The following EYA1 variants were observed in gnomAD, a reference collection of about 807,000 sequenced individuals.
EYA1 encodes the protein protein phosphatase EYA1.
In EYA1, 16 loss-of-function variants were observed where a neutral mutation model predicts 82.0. The ratio of observed to expected loss-of-function variants is 0.20; its 90% CI spans 0.13 to 0.30. The LOEUF is 0.30. Among genes scored for constraint, EYA1 ranks in the 10% least tolerant of loss-of-function variants. The probability of loss-of-function intolerance (pLI) is 1.00; values close to 1 mark genes in which losing one functional copy is unlikely to be tolerated. For synonymous variants in EYA1, 261 were observed against 264.4 expected, an observed-to-expected ratio of 0.99 and a Z score of 0.12; for missense variants, 633 against 730.7, an observed-to-expected ratio of 0.87 and a Z score of 1.54.
chr8:71,530,668 T>C (rs1457426455), intron 2 of EYA1, among the ~76,000 whole-genome samples: 1 of 152,174 alleles, frequency 6.6e-6, no homozygotes, highest in Non-Finnish European at 1.5e-5. Flanking sequence ...TGCTAAAGAG[T>C]GGGTTTCTTT....
intron 2 of EYA1, among the ~76,000 whole-genome samples, chr8:71,431,881 T>C (rs1805644649): frequency 2.0e-5 from 3 of 152,212 alleles, no homozygotes. Flanking sequence ...GATTACTTTA[T>C]GAAGCCTAAA....
chr8:71,365,428 A>G (rs1446357139), upstream of EYA1, among the ~76,000 whole-genome samples: 1 of 152,188 alleles, frequency 6.6e-6, no homozygotes, highest in Non-Finnish European at 1.5e-5. Context: ...AAATAACAGT[A>G]TAGTAAGTTG....
At chr8:71,237,285 C>T (rs756096796) in intron 12 of EYA1, among the ~76,000 whole-genome samples, 16 of 152,070 alleles carry the variant, frequency 1.1e-4, no homozygotes, top group African/African-American at 3.6e-4. Flanking sequence ...CTCCTGACCT[C>T]GTGATCCGCC....
intron 12 of EYA1, among the ~76,000 whole-genome samples, chr8:71,221,411 C>T (rs918937338): frequency 2.6e-5 from 4 of 152,062 alleles, no homozygotes; most frequent in Admixed American, 2.6e-4. Flanking sequence ...GTTTCTTTCA[C>T]CCCCAAGTCA....
chr8:71,422,875 A>C (rs1328727545), intron 2 of EYA1, among the ~76,000 whole-genome samples: 5 of 152,178 alleles, frequency 3.3e-5, no homozygotes, highest in Non-Finnish European at 7.3e-5. Flanking sequence ...TTATGGGATC[A>C]ACAATTCATG....
intron 9 of EYA1, among the ~76,000 whole-genome samples, chr8:71,298,163 A>G (rs1819790646): frequency 6.6e-6 from 1 of 152,204 alleles, no homozygotes; most frequent in South Asian, 2.1e-4. Flanking sequence ...TAGAATGCAT[A>G]CTATGATTAT....
At chr8:71,485,988 T>A (rs1461804722) in intron 2 of EYA1, among the ~76,000 whole-genome samples, 1 of 152,156 alleles carries the variant, frequency 6.6e-6, no homozygotes, top group Non-Finnish European at 1.5e-5. Context: ...CTACCAACCA[T>A]TAGGATCTCA....
intron 2 of EYA1, among the ~76,000 whole-genome samples, chr8:71,480,184 G>C (rs1810022254): frequency 6.6e-6 from 1 of 152,038 alleles, no homozygotes; most frequent in Non-Finnish European, 1.5e-5. Flanking sequence ...TGTAATTCTT[G>C]TCTAATCTTG....
chr8:71,232,973 T>C (rs529330922), intron 12 of EYA1, among the ~76,000 whole-genome samples: 1 of 152,312 alleles, frequency 6.6e-6, no homozygotes, highest in South Asian at 2.1e-4. Flanking sequence ...CGATGAGGTA[T>C]ATCATCATCC....
chr8:71,360,824 C>T (rs1442909268), intron 1 of EYA1, among the ~76,000 whole-genome samples: 1 of 152,162 alleles, frequency 6.6e-6, no homozygotes, highest in African/African-American at 2.4e-5. Flanking sequence ...AAAACGTTTG[C>T]CTAAATTCAA....
chr8:71,201,681 T>C (rs1218139147), intron 17 of EYA1, among the ~76,000 whole-genome samples: 2 of 152,202 alleles, frequency 1.3e-5, no homozygotes, highest in African/African-American at 4.8e-5. Flanking sequence ...AAATTATGTG[T>C]TTATCAAGTA....
At chr8:71,305,610 C>T (rs1006540968) in intron 7 of EYA1, among the ~76,000 whole-genome samples, 3 of 151,938 alleles carry the variant, frequency 2.0e-5, no homozygotes, top group South Asian at 2.1e-4. Context: ...CATGCTATTG[C>T]GCTCCAGCTT....
At chr8:71,287,040 T>C (rs1217557982) in intron 9 of EYA1, among the ~76,000 whole-genome samples, 1 of 151,982 alleles carries the variant, frequency 6.6e-6, no homozygotes, top group East Asian at 1.9e-4. Context: ...GACTTCGTGA[T>C]CCACCCTCTT....
chr8:71,356,619 A>G (rs1300092883), intron 1 of EYA1, 108 bp from the exon 2 acceptor site: 9 of 1,411,894 alleles, frequency 6.4e-6, no homozygotes, highest in African/African-American at 2.9e-5. Flanking sequence ...CTTTTAACCA[A>G]AAGAGAAAAA....
intron 2 of EYA1, among the ~76,000 whole-genome samples, chr8:71,393,611 C>T (rs1241928967): frequency 6.6e-6 from 1 of 152,164 alleles, no homozygotes; most frequent in Non-Finnish European, 1.5e-5. Context: ...CATGTCCCTA[C>T]AAAGGACATG....
intron 2 of EYA1, among the ~76,000 whole-genome samples, chr8:71,497,064 C>T (rs1811467388): frequency 6.6e-6 from 1 of 152,106 alleles, no homozygotes; most frequent in Non-Finnish European, 1.5e-5. Context: ...AATGAAGAGA[C>T]AATCAAGAAA....
chr8:71,307,921 T>C (rs559485817), intron 7 of EYA1, among the ~76,000 whole-genome samples: 18 of 152,312 alleles, frequency 1.2e-4, no homozygotes, highest in African/African-American at 3.8e-4. Flanking sequence ...TGAAAACAAG[T>C]CTTGCTTGTG....
At chr8:71,478,562 C>T (rs1009952165) in intron 2 of EYA1, among the ~76,000 whole-genome samples, 2 of 152,170 alleles carry the variant, frequency 1.3e-5, no homozygotes, top group African/African-American at 4.8e-5. Context: ...TAAAGTCTTT[C>T]TTCAAAGACC....
At chr8:71,465,069 A>G (rs1027046074) in intron 2 of EYA1, among the ~76,000 whole-genome samples, 3 of 152,172 alleles carry the variant, frequency 2.0e-5, no homozygotes, top group Non-Finnish European at 4.4e-5. Flanking sequence ...AATTTCATTT[A>G]TTTTTCAAAT....
Sources: gnomAD v4.1 joint callset for allele counts (sites outside exome capture counted in the v4.1 genomes callset) on GRCh38, gnomAD v4.1.1 for gene constraint, MANE v1.5 for transcripts, NCBI Gene and HGNC (gene_info 2026-07-23, HGNC 2026-07-21) for gene names.